The following ARID2 variants were observed in gnomAD, a reference collection of about 807,000 sequenced individuals.
ARID2 encodes the protein AT-rich interaction domain 2.
In ARID2, 32 loss-of-function variants were observed where a neutral mutation model predicts 184.6. That is an observed-to-expected ratio of 0.17 (90% CI 0.13 to 0.23). ARID2 has a LOEUF of 0.23. Ranked by LOEUF, ARID2 falls within the 10% of genes least tolerant of loss-of-function variation. The pLI is 1.00. For missense variants in ARID2, 1,696 were observed against 2,197.6 expected, an observed-to-expected ratio of 0.77 and a Z score of 4.56; for synonymous variants, 836 against 772.6, an observed-to-expected ratio of 1.08 and a Z score of -1.36.
chr12:45,787,544 A>G (rs757877973), intron 3 of ARID2, among the ~76,000 whole-genome samples: 1 of 152,070 alleles, frequency 6.6e-6, no homozygotes, highest in Non-Finnish European at 1.5e-5. Flanking sequence ...AGACGTGTAC[A>G]TATACATATT....
In ARID2 at chr12:45,894,876, A is replaced by T. The variant is rs140383651; in HGVS notation, c.5363+1155A>T. Reference sequence around the variant, plus strand: ...GTTTCATAGCCTACATTTCAGTGAAACTAAGCCACATGCAAGTTCCTAATC... The same window carrying T: ...GTTTCATAGCCTACATTTCAGTGAATCTAAGCCACATGCAAGTTCCTAATC... On this transcript the variant is annotated intron_variant, in intron 20 of 20. Transcript: ENST00000334344. Among the ~76,000 whole-genome samples the T allele has an allele frequency of 4.5e-4, 68 of 151,610 alleles. No homozygotes were observed. In the East Asian group the frequency reaches 0.013, roughly 28 times the overall value.
chr12:45,805,713 A>G (rs1352263571), intron 3 of ARID2, among the ~76,000 whole-genome samples: 1 of 152,118 alleles, frequency 6.6e-6, no homozygotes, highest in African/African-American at 2.4e-5. Context: ...AATGATTACC[A>G]CAGTTAAGTT....
chr12:45,903,270 G>A (rs1278471379), intron 20 of ARID2, among the ~76,000 whole-genome samples: 1 of 152,016 alleles, frequency 6.6e-6, no homozygotes, highest in African/African-American at 2.4e-5. Flanking sequence ...CCAATTTGGG[G>A]CTATTAAGAG....
At chr12:45,893,359 T>G (rs1249259065) in intron 18 of ARID2, 61 bp from the exon 19 acceptor site, 27 of 1,535,966 alleles carry the variant, frequency 1.8e-5, no homozygotes, top group Non-Finnish European at 2.4e-5. Flanking sequence ...TGGTCATAGT[T>G]GTCAGTCTGT....
intron 3 of ARID2, among the ~76,000 whole-genome samples, chr12:45,776,970 A>T (rs11183200): frequency 0.76 from 113,601 of 149,624 alleles, 43,733 homozygotes; most frequent in African/African-American, 0.91. Flanking sequence ...TTTTTTTTTT[A>T]AAGTAGAGAT....
chr12:45,903,276 AAG>A (rs1370101939), intron 20 of ARID2, among the ~76,000 whole-genome samples: 1 of 152,150 alleles, frequency 6.6e-6, no homozygotes, highest in Non-Finnish European at 1.5e-5. Context: ...TGGGGCTATT[AAG>A]AGTAATGCTG....
chr12:45,811,285 A>C, intron 3 of ARID2, 133 bp from the exon 4 acceptor site: 1 of 942,520 alleles, frequency 1.1e-6, no homozygotes, highest in Non-Finnish European at 1.5e-6. Context: ...CTGTTCTAAT[A>C]TAAGAGGTTT....
intron 6 of ARID2, among the ~76,000 whole-genome samples, chr12:45,824,082 C>T (rs1414416425): frequency 6.6e-6 from 1 of 152,020 alleles, no homozygotes; most frequent in Non-Finnish European, 1.5e-5. Context: ...AAAGACAGTG[C>T]ACCATCATTA....
chr12:45,736,181 C>A (rs1471492779), intron 3 of ARID2, among the ~76,000 whole-genome samples: 1 of 152,070 alleles, frequency 6.6e-6, no homozygotes, highest in African/African-American at 2.4e-5. Flanking sequence ...CACAGTGAAA[C>A]CCTGTCTCTA....
At chr12:45,767,345 C>T (rs940188442) in intron 3 of ARID2, among the ~76,000 whole-genome samples, 20 of 151,804 alleles carry the variant, frequency 1.3e-4, no homozygotes, top group African/African-American at 3.6e-4. Context: ...TTCATTTTCT[C>T]GTGAAAAAAG....
At position 45,837,303 on chromosome 12, in the gene ARID2, T is replaced by G. The variant is rs1392929979; in HGVS notation, c.1024-18T>G. On this transcript the variant is annotated intron_variant, in intron 8 of 20. Transcript: ENST00000334344. Reference sequence around the variant, plus strand: ...TGGAAGAAGCATAGCTCAATAATAGTGTTGTTTCTTTTTCCAGCTTTTACT... The same window carrying G: ...TGGAAGAAGCATAGCTCAATAATAGGGTTGTTTCTTTTTCCAGCTTTTACT... The G allele has an allele frequency of 6.4e-7, 1 of 1,563,422 alleles. No individual in the cohort carries two copies. Among genetic ancestry groups the G allele is most frequent in the Non-Finnish European group, 8.7e-7 (1 of 1,147,554 alleles).
chr12:45,898,908 C>T lies in ARID2; in HGVS notation c.5363+5187C>T, dbSNP rs1045997960. Among the ~76,000 whole-genome samples, 5 of 152,030 alleles carry T rather than the reference C, an allele frequency of 3.3e-5. No individual in the cohort carries two copies. The South Asian group carries it at 6.2e-4, about 19-fold the overall frequency. ...CAGCCTGTGTGACAGAGCAAGATTG[C>T]ATCTCAAATAAATAAATAGATTGTA... On this transcript the variant is annotated intron_variant, in intron 20 of 20. Transcript: ENST00000334344.
chr12:45,746,907 C>A (rs758839699), intron 3 of ARID2, among the ~76,000 whole-genome samples: 4 of 152,306 alleles, frequency 2.6e-5, no homozygotes, highest in African/African-American at 7.2e-5. Context: ...GCTGGGACTA[C>A]AGGCGCTCGC....
At chr12:45,822,019 C>A (rs1472440261) in intron 6 of ARID2, among the ~76,000 whole-genome samples, 2 of 152,114 alleles carry the variant, frequency 1.3e-5, no homozygotes, top group Non-Finnish European at 2.9e-5. Flanking sequence ...TGCTGGCTTT[C>A]AAGGAAATAT....
At chr12:45,827,830 G>A (rs1322316284) in intron 6 of ARID2, among the ~76,000 whole-genome samples, 2 of 152,014 alleles carry the variant, frequency 1.3e-5, no homozygotes, top group Non-Finnish European at 2.9e-5. Context: ...GCAGGACCAT[G>A]GTAAACAAAA....
At chr12:45,743,363 T>C (rs1202673287) in intron 3 of ARID2, among the ~76,000 whole-genome samples, 1 of 152,042 alleles carries the variant, frequency 6.6e-6, no homozygotes, top group East Asian at 1.9e-4. Flanking sequence ...AGCAAGACTC[T>C]GTCTCAAAAA....
In ARID2 at chr12:45,817,853, C is replaced by A; in HGVS notation, c.602C>A (p.Thr201Asn). ...CTTGAAAAAGATCCTAAAATCATCA[C>A]TTTACTACTTGCTAATGCCGGGGTG... Reference protein sequence around the residue: ...MQLEKDPKIITLLLANAGVFD... With the variant: ...MQLEKDPKIINLLLANAGVFD... The change falls in exon 5 of 21, where the codon ACT (threonine) becomes AAT (asparagine). Residue 201 changes from threonine to asparagine, a missense_variant. Coordinates refer to ENST00000334344, the MANE Select transcript of ARID2 (RefSeq NM_152641.4). The A allele has an allele frequency of 6.2e-7, 1 of 1,613,022 alleles. No individual in the cohort carries two copies. Among genetic ancestry groups the A allele is most frequent in the African/African-American group, 1.3e-5 (1 of 74,958 alleles).
chr12:45,837,858 A>C (rs1943249114), intron 10 of ARID2, 151 bp downstream of exon 10: 1 of 586,880 alleles, frequency 1.7e-6, no homozygotes, highest in Admixed American at 3.3e-5. Context: ...ATTATTCTTT[A>C]TTATGCTTTA....
intron 20 of ARID2, among the ~76,000 whole-genome samples, chr12:45,903,587 G>A (rs554034232): frequency 6.6e-6 from 1 of 152,260 alleles, no homozygotes; most frequent in East Asian, 1.9e-4. Context: ...CAAAAAACAT[G>A]AAAAGATGCC....
Sources: allele counts gnomAD v4.1 joint callset (sites outside exome capture counted in the v4.1 genomes callset), GRCh38; gene constraint gnomAD v4.1.1; transcripts MANE v1.5; gene names NCBI Gene and HGNC (gene_info 2026-07-23, HGNC 2026-07-21).